GCN1: variants seen among roughly 807,000 people sequenced by gnomAD.
GCN1 encodes stalled ribosome sensor GCN1.
In GCN1, 90 loss-of-function variants were observed where a neutral mutation model predicts 288.4. The observed-to-expected ratio is 0.31, with a 90% CI of 0.26 to 0.37. GCN1 has a LOEUF of 0.37. GCN1 is among the 10% of genes least tolerant of loss of function. The pLI is 1.00. For missense variants in GCN1, 2,586 were observed against 3,419.9 expected (o/e 0.76, Z 6.08); for synonymous variants, 1,386 against 1,420.2 (o/e 0.98, Z 0.54).
At position 120,131,341 on chromosome 12, in the gene GCN1, G is replaced by T. The variant is rs760028316; in HGVS notation, c.7415-8C>A. 6.2e-7 allele frequency: 1 copy of T among 1,613,368 alleles called. No individual in the cohort carries two copies. Among genetic ancestry groups the T allele is most frequent in the Non-Finnish European group, 8.5e-7 (1 of 1,179,908 alleles). Reference sequence around the variant, plus strand: ...CAATGCCGGACACGTCCGCTGGGTGGAAGGACACGACTGGGATCAACCGGT... The same window carrying T: ...CAATGCCGGACACGTCCGCTGGGTGTAAGGACACGACTGGGATCAACCGGT... On this transcript the variant is annotated splice_polypyrimidine_tract_variant and splice_region_variant and intron_variant, in intron 54 of 57. Coordinates refer to ENST00000300648, the MANE Select transcript of GCN1 (RefSeq NM_006836.2).
chr12:120,157,443 T>C (rs1460270974), intron 26 of GCN1, among the ~76,000 whole-genome samples: 1 of 152,168 alleles, frequency 6.6e-6, no homozygotes, highest in Non-Finnish European at 1.5e-5. Context: ...CCTAAAGAAA[T>C]GCTCACACTG....
intron 16 of GCN1, among the ~76,000 whole-genome samples, chr12:120,167,602 A>G (rs538175622): frequency 6.6e-6 from 1 of 152,290 alleles, no homozygotes; most frequent in Admixed American, 6.5e-5. Flanking sequence ...ATAATTTTCA[A>G]TGTAGACCCT....
rs1878751617 is a variant in GCN1 at position 120,184,222 on chromosome 12, G to C, written c.207C>G (p.Ala69=). Residue 69 remains alanine (A), a synonymous_variant, in exon 4 of 58, where the codon GCC becomes GCG. Transcript: ENST00000300648. Reference sequence around the variant, plus strand: ...CCAACTGCTGGATGGCTGCCTGCAAGGCCCTGCGGGAGGCTGCATCTCTAG... The same window carrying C: ...CCAACTGCTGGATGGCTGCCTGCAACGCCCTGCGGGAGGCTGCATCTCTAG... ...HRYRDAASRR[A]LQAAIQQLAE... 1 of 1,613,600 alleles carries C rather than the reference G, an allele frequency of 6.2e-7. No individual in the cohort carries two copies. The highest frequency in any genetic ancestry group is 1.3e-5 in the African/African-American group (1 of 74,934).
intron 9 of GCN1, 110 bp from the exon 10 acceptor site, chr12:120,176,327 C>T: frequency 2.8e-6 from 2 of 724,016 alleles, no homozygotes; most frequent in Non-Finnish European, 5.0e-6. Context: ...TCTGGCCCTT[C>T]ATCTCTACAG....
At chr12:120,184,449 T>C (rs118026364) in intron 3 of GCN1, among the ~76,000 whole-genome samples, 4,656 of 152,272 alleles carry the variant, frequency 0.031, 89 homozygotes, top group Non-Finnish European at 0.047. Context: ...AAATAAGCCA[T>C]TGAGTGTGTA....
intron 22 of GCN1, 92 bp downstream of exon 22, chr12:120,161,398 C>G (rs1877920527): frequency 2.5e-6 from 2 of 792,394 alleles, no homozygotes; most frequent in East Asian, 4.9e-5. Context: ...CAGGATGTTC[C>G]AAGTGAACAG....
chr12:120,159,740 C>A, intron 24 of GCN1, 85 bp downstream of exon 24: 1 of 1,186,888 alleles, frequency 8.4e-7, no homozygotes, highest in Non-Finnish European at 1.3e-6. Context: ...CCACCCACCT[C>A]CCCACAAGCA....
chr12:120,147,394 CCCA>C, intron 37 of GCN1, 122 bp from the exon 38 acceptor site: 1 of 469,300 alleles, frequency 2.1e-6, no homozygotes, highest in Non-Finnish European at 3.8e-6. Context: ...TCCCTGAAAC[CCCA>C]CAAGTCACCA....
At chr12:120,154,640 A>C (rs1164371044) in intron 31 of GCN1, among the ~76,000 whole-genome samples, 1 of 152,254 alleles carries the variant, frequency 6.6e-6, no homozygotes, top group Admixed American at 6.5e-5. Flanking sequence ...GCTCACGGTC[A>C]CGCAGCTAGT....
intron 38 of GCN1, among the ~76,000 whole-genome samples, chr12:120,146,204 T>C (rs1015161323): frequency 6.7e-6 from 1 of 150,284 alleles, no homozygotes. Flanking sequence ...GCGGCAGAGG[T>C]TGCAGTGAGC....
chr12:120,173,680 G>T lies in GCN1; in HGVS notation c.1339C>A (p.Leu447Met). Residue 447 changes from leucine (L) to methionine (M), a missense_variant, in exon 14 of 58, where the codon CTG becomes ATG. Leu to Met is a conservative substitution (Grantham distance 15, BLOSUM62 2). Coordinates refer to ENST00000300648, the MANE Select transcript of GCN1 (RefSeq NM_006836.2). ...CGGTAAGAGGCCAACATGCACTGCA[G>T]GTAGGCATGCCTCACCGCAGATGTG... The part of the protein sequence containing the change: ...TSTSAVRHAY[L>M]QCMLASYRGD... 1 of 1,611,622 alleles carries T rather than the reference G, an allele frequency of 6.2e-7. No homozygotes were observed. Among genetic ancestry groups the T allele is most frequent in the Non-Finnish European group, 8.5e-7 (1 of 1,177,680 alleles).
chr12:120,149,354 A>G (rs1310033662), intron 36 of GCN1, among the ~76,000 whole-genome samples: 1 of 152,154 alleles, frequency 6.6e-6, no homozygotes, highest in African/African-American at 2.4e-5. Flanking sequence ...AGACTCCATC[A>G]TTACAAAAAA....
At position 120,142,578 on chromosome 12, in the gene GCN1, G is replaced by C. The variant is rs753980058; in HGVS notation, c.5758C>G (p.Arg1920Gly). The C allele has an allele frequency of 2.5e-6, 4 of 1,614,002 alleles. No homozygotes were observed. The South Asian group carries it at 4.4e-5, about 18-fold the overall frequency. ...CCAAAGAGAGTGGGTAGGATCTCAC[G>C]CAAGGTGCGGGGGGTATTGGAGACA... is the stretch of plus-strand genomic sequence containing the variant. ...IVVSNTPRTL[R>G]EILPTLFGLL... The change falls in exon 44 of 58, where the codon CGT becomes GGT. Residue 1920 changes from arginine (R) to glycine (G), a missense_variant. Arg to Gly is a moderately radical substitution (Grantham distance 125). This residue lies in a region of GCN1 where 437 missense variants were observed against 570.5 expected (regional missense o/e 0.77). Transcript: ENST00000300648. The surrounding 1 kb of genome is among the most constrained non-coding windows in gnomAD (Gnocchi z 4.9).
intron 7 of GCN1, among the ~76,000 whole-genome samples, chr12:120,178,188 C>T (rs1190267036): frequency 6.6e-6 from 1 of 152,160 alleles, no homozygotes; most frequent in Non-Finnish European, 1.5e-5. Context: ...CAGGTCCTTC[C>T]GTTGTGGAGT....
In GCN1 at chr12:120,130,222, C is replaced by T. The variant is rs1457757833; in HGVS notation, c.7671+424G>A. Among the ~76,000 whole-genome samples the T allele has an allele frequency of 3.3e-5, 5 of 152,196 alleles. No individual in the cohort carries two copies. The East Asian group carries it at 9.6e-4, about 29-fold the overall frequency. On this transcript the variant is annotated intron_variant, in intron 56 of 57. Transcript: ENST00000300648. ...TATCACACGGGCCACAGGAGCCCTG[C>T]TGGCACATTCCTTGGCTTTCCTAAC... is the stretch of plus-strand genomic sequence containing the variant.
intron 56 of GCN1, 59 bp downstream of exon 56, chr12:120,130,587 C>T (rs1471741988): frequency 1.7e-6 from 2 of 1,143,698 alleles, no homozygotes; most frequent in Middle Eastern, 1.9e-4. Context: ...GTCTCTGATC[C>T]TAGGACCTCC....
rs557796293 is a variant in GCN1, at chr12:120,138,128, G to T, written c.6250-84C>A. On this transcript the variant is annotated intron_variant, in intron 47 of 57. Transcript: ENST00000300648. Reference sequence around the variant, plus strand: ...TGGGAACAGACGGGTGGGCAAGAGAGCCCAAGCCCACTGCTCAGAGCCAAG... The same window carrying T: ...TGGGAACAGACGGGTGGGCAAGAGATCCCAAGCCCACTGCTCAGAGCCAAG... The T allele has an allele frequency of 6.1e-6, 8 of 1,304,044 alleles. No individual in the cohort carries two copies. The African/African-American group carries it at 7.3e-5, about 12-fold the overall frequency. The allele number at this position is 1,304,044 out of a possible 1,614,324, so 80.8% of individuals were successfully genotyped here.
chr12:120,153,700 C>G lies in GCN1; in HGVS notation c.3867+44G>C, dbSNP rs1416491928. ...CCGTGTCTCCTTAGCGGGCTGGGACCCCCTTACCTTCCCGTGGGTGTTCCC... is the reference window on the plus strand; with the variant it reads ...CCGTGTCTCCTTAGCGGGCTGGGACGCCCTTACCTTCCCGTGGGTGTTCCC... On this transcript the variant is annotated intron_variant, in intron 32 of 57. Coordinates refer to ENST00000300648, the MANE Select transcript of GCN1 (RefSeq NM_006836.2). This position sits in a 1 kb window ranked among gnomAD's most constrained non-coding sequence, Gnocchi z 4.4. 1.3e-6 allele frequency: 2 copies of G among 1,587,460 alleles called. No homozygotes were observed. Among genetic ancestry groups the G allele is most frequent in the Non-Finnish European group, 1.7e-6 (2 of 1,159,974 alleles).
chr12:120,144,462 G>A lies in GCN1; in HGVS notation c.5353-14C>T. On this transcript the variant is annotated splice_polypyrimidine_tract_variant and intron_variant, in intron 41 of 57. Transcript: ENST00000300648. This position sits in a 1 kb window ranked among gnomAD's most constrained non-coding sequence, Gnocchi z 4.7. ...ATCAGCAAGAGCCTGGGCACACAGA[G>A]GGTGGGTCAGCCAGAGCTGCCACCC... 12 of 1,607,886 alleles carry A rather than the reference G, an allele frequency of 7.5e-6. No homozygotes were observed. The highest frequency in any genetic ancestry group is 1.0e-5 in the Non-Finnish European group (12 of 1,175,886).
Sources: allele counts gnomAD v4.1 joint callset (sites outside exome capture counted in the v4.1 genomes callset), GRCh38; gene constraint gnomAD v4.1.1; regional missense constraint gnomAD v4.1.1; non-coding constraint Gnocchi (gnomAD v3.1); transcripts MANE v1.5; gene names NCBI Gene and HGNC (gene_info 2026-07-23, HGNC 2026-07-21).